BNC2: variants seen among roughly 807,000 people sequenced by gnomAD.
The protein encoded by BNC2 is basonuclin zinc finger protein 2.
In BNC2, 20 loss-of-function variants were observed where a neutral mutation model predicts 76.3. The observed-to-expected ratio is 0.26, with a 90% CI of 0.18 to 0.38. The LOEUF (loss-of-function observed/expected upper bound fraction) is 0.38, where lower values mean the gene tolerates loss of function less well. Among genes scored for constraint, BNC2 ranks in the 10% least tolerant of loss-of-function variants. The probability of loss-of-function intolerance (pLI) is 1.00; values close to 1 mark genes in which losing one functional copy is unlikely to be tolerated. For synonymous variants in BNC2, 582 were observed against 514.8 expected (o/e 1.13, Z -1.77); for missense variants, 1,382 against 1,399.8 (o/e 0.99, Z 0.20).
intron 3 of BNC2, among the ~76,000 whole-genome samples, chr9:16,615,278 T>C (rs1053029911): frequency 6.6e-6 from 1 of 152,160 alleles, no homozygotes; most frequent in Non-Finnish European, 1.5e-5. Context: ...TGCCAGGCAT[T>C]AGGCTAAATA....
intron 5 of BNC2, among the ~76,000 whole-genome samples, chr9:16,537,680 A>G (rs906159521): frequency 1.2e-4 from 19 of 152,178 alleles, no homozygotes; most frequent in Non-Finnish European, 2.2e-4. Context: ...ACCTTGACTA[A>G]AATAAATGGC....
chr9:16,559,335 C>T (rs1377707137), intron 4 of BNC2, among the ~76,000 whole-genome samples: 1 of 152,040 alleles, frequency 6.6e-6, no homozygotes, highest in Non-Finnish European at 1.5e-5. Context: ...ATGTGTGGCC[C>T]AAGCCAATTC....
rs1364739620 is a variant in BNC2, at chr9:16,749,404, C to G, written c.4-10919G>C. Among the ~76,000 whole-genome samples the G allele has an allele frequency of 2.0e-5, 3 of 152,052 alleles. No individual in the cohort carries two copies. The East Asian group carries it at 5.8e-4, about 29-fold the overall frequency. On this transcript the variant is annotated intron_variant, in intron 1 of 6. Transcript: ENST00000380672. Reference sequence around the variant, plus strand: ...CAAAAGGCAAAGAGAAGAGAACATTCCAAATGGGTGGGGGAAGCACGAATA... The same window carrying G: ...CAAAAGGCAAAGAGAAGAGAACATTGCAAATGGGTGGGGGAAGCACGAATA...
chr9:16,759,893 T>G (rs1046534594), intron 1 of BNC2, among the ~76,000 whole-genome samples: 1 of 151,966 alleles, frequency 6.6e-6, no homozygotes, highest in African/African-American at 2.4e-5. Context: ...CCGGCTAATT[T>G]TTTGTATTTT....
At chr9:16,802,628 C>G (rs1168702980) in intron 1 of BNC2, among the ~76,000 whole-genome samples, 1 of 152,196 alleles carries the variant, frequency 6.6e-6, no homozygotes, top group African/African-American at 2.4e-5. Context: ...TTACTCATCT[C>G]TCCCATTCTT....
intron 3 of BNC2, among the ~76,000 whole-genome samples, chr9:16,705,883 T>G (rs1287096105): frequency 6.6e-6 from 1 of 152,174 alleles, no homozygotes; most frequent in East Asian, 1.9e-4. Context: ...AGGGATTGAA[T>G]CCTAAAACAC....
chr9:16,804,683 T>C (rs534581392), intron 1 of BNC2, among the ~76,000 whole-genome samples: 1 of 152,288 alleles, frequency 6.6e-6, no homozygotes, highest in South Asian at 2.1e-4. Flanking sequence ...ACTCAAATAT[T>C]AGTATTTGCA....
At chr9:16,502,450 A>G (rs911409308) in intron 5 of BNC2, among the ~76,000 whole-genome samples, 6 of 152,140 alleles carry the variant, frequency 3.9e-5, no homozygotes, top group Middle Eastern at 3.2e-3. Context: ...TGTAACTTTT[A>G]AAGCACAACA....
At chr9:16,834,284 A>G (rs1230461280) in intron 1 of BNC2, among the ~76,000 whole-genome samples, 2 of 152,240 alleles carry the variant, frequency 1.3e-5, no homozygotes, top group Non-Finnish European at 2.9e-5. Context: ...ATTCAGTGTT[A>G]CAGATTTTTG....
At chr9:16,768,698 C>T (rs1332119520) in intron 1 of BNC2, among the ~76,000 whole-genome samples, 5 of 152,038 alleles carry the variant, frequency 3.3e-5, no homozygotes, top group Admixed American at 2.6e-4. Context: ...AGAAGTGGTC[C>T]CTACCCTCAA....
In BNC2 at chr9:16,708,024, C is replaced by A. The variant is rs570325652; in HGVS notation, c.330+19773G>T. 5.3e-5 allele frequency among the ~76,000 whole-genome samples: 8 copies of A among 152,236 alleles called. No homozygotes were observed. The East Asian group carries it at 1.4e-3, about 26-fold the overall frequency. ...AGGAAATCAGAGCATGCTACAAATA[C>A]CACGATGAAAACTATTTTCTATGAA... On this transcript the variant is annotated intron_variant, in intron 3 of 6. Coordinates refer to ENST00000380672, the MANE Select transcript of BNC2 (RefSeq NM_017637.6).
chr9:16,539,301 C>T (rs1184409253), intron 5 of BNC2, among the ~76,000 whole-genome samples: 1 of 151,934 alleles, frequency 6.6e-6, no homozygotes, highest in African/African-American at 2.4e-5. Context: ...GGGCAGATGG[C>T]TTGAGGTCAG....
chr9:16,457,344 G>C (rs1291941481), intron 5 of BNC2, among the ~76,000 whole-genome samples: 1 of 152,106 alleles, frequency 6.6e-6, no homozygotes, highest in African/African-American at 2.4e-5. Context: ...TGGGGGTCCA[G>C]GTCCCTAAGA....
At chr9:16,838,026 A>T (rs1330748400) in intron 1 of BNC2, among the ~76,000 whole-genome samples, 1 of 152,214 alleles carries the variant, frequency 6.6e-6, no homozygotes, top group African/African-American at 2.4e-5. Flanking sequence ...AGGCAACCAG[A>T]TCATTCAGAT....
chr9:16,696,091 G>C (rs1239460409), intron 3 of BNC2, among the ~76,000 whole-genome samples: 1 of 152,066 alleles, frequency 6.6e-6, no homozygotes, highest in Non-Finnish European at 1.5e-5. Context: ...ATTCTAACAA[G>C]TACATGCTCA....
At chr9:16,438,964 G>A (rs1821074285) in intron 5 of BNC2, among the ~76,000 whole-genome samples, 1 of 152,150 alleles carries the variant, frequency 6.6e-6, no homozygotes, top group South Asian at 2.1e-4. Context: ...AATGTCATGG[G>A]AGGGAGCCGG....
intron 1 of BNC2, among the ~76,000 whole-genome samples, chr9:16,849,324 T>C (rs2136145214): frequency 6.6e-6 from 1 of 151,572 alleles, no homozygotes; most frequent in Non-Finnish European, 1.5e-5. Context: ...ATAAAATGAT[T>C]CCTAGATCTG....
At chr9:16,689,163 C>CA (rs58620248) in intron 3 of BNC2, among the ~76,000 whole-genome samples, 4,522 of 50,402 alleles carry the variant, frequency 0.09, 164 homozygotes, top group South Asian at 0.12. Context: ...ACTGAGATCA[C>CA]AAAAAAAAAA....
chr9:16,811,577 A>G lies in BNC2; in HGVS notation c.3+59069T>C, dbSNP rs977730821. 3.1e-4 allele frequency among the ~76,000 whole-genome samples: 46 copies of G among 149,642 alleles called. 1 individual carries two copies. The highest frequency in any genetic ancestry group is 2.2e-4 in the Non-Finnish European group (15 of 67,386). On this transcript the variant is annotated intron_variant, in intron 1 of 6. Transcript: ENST00000380672. ...CAAAAAAAAAAAAAAAAAAAAAAAC[A>G]GTGTACAGGGAAAATCAAACCCATG...
Sources: gnomAD v4.1 joint callset for allele counts (sites outside exome capture counted in the v4.1 genomes callset) on GRCh38, gnomAD v4.1.1 for gene constraint, MANE v1.5 for transcripts, NCBI Gene and HGNC (gene_info 2026-07-23, HGNC 2026-07-21) for gene names.